Variants in CACNA1H observed in about 807,000 individuals in gnomAD.
The protein encoded by CACNA1H is calcium voltage-gated channel subunit alpha1 H.
In CACNA1H, 149 loss-of-function variants were observed where a neutral mutation model predicts 192.5. The observed-to-expected ratio is 0.77, with a 90% CI of 0.68 to 0.89. The LOEUF (loss-of-function observed/expected upper bound fraction) is 0.89. Among genes scored for constraint, CACNA1H ranks in the 40% least tolerant of loss-of-function variants. The probability of loss-of-function intolerance (pLI) is 0.00; values close to 1 mark genes in which losing one functional copy is unlikely to be tolerated. For missense variants in CACNA1H, 4,257 were observed against 3,423.5 expected, an observed-to-expected ratio of 1.24 and a Z score of -6.08; for synonymous variants, 2,202 against 1,475.2, an observed-to-expected ratio of 1.49 and a Z score of -11.29.
chr16:1,162,626 C>T (rs908946743), intron 2 of CACNA1H, among the ~76,000 whole-genome samples: 1 of 137,322 alleles, frequency 7.3e-6, no homozygotes, highest in South Asian at 2.5e-4. Context: ...CCAGCTCCTG[C>T]GGACACCTGG....
chr16:1,209,786 A>G (rs1402744430), intron 17 of CACNA1H, among the ~76,000 whole-genome samples: 1 of 152,144 alleles, frequency 6.6e-6, no homozygotes, highest in East Asian at 1.9e-4. Context: ...ACCCAAGAGC[A>G]CCCGCTCACC....
chr16:1,216,114 A>G (rs1215901618), intron 30 of CACNA1H, among the ~76,000 whole-genome samples: 2 of 151,958 alleles, frequency 1.3e-5, no homozygotes, highest in African/African-American at 4.8e-5. Flanking sequence ...CCGTCCATCC[A>G]CCAGCCCAGC....
At chr16:1,218,144 C>A in intron 32 of CACNA1H, 66 bp from the exon 33 acceptor site, 1 of 1,531,866 alleles carries the variant, frequency 6.5e-7, no homozygotes. Context: ...GGGAAGGGGA[C>A]GGCACTGCCA....
At chr16:1,184,493 C>A (rs967688683) in intron 2 of CACNA1H, among the ~76,000 whole-genome samples, 87 of 152,364 alleles carry the variant, frequency 5.7e-4, no homozygotes, top group African/African-American at 2.0e-3. Flanking sequence ...TGCTCGTTTC[C>A]CGGCCCTCAC....
At chr16:1,210,342 C>CCCCCCAGA in intron 18 of CACNA1H, 28 bp from the exon 19 acceptor site, 1 of 999,084 alleles carries the variant, frequency 1.0e-6, no homozygotes, top group Non-Finnish European at 1.5e-6. Flanking sequence ...CGCCCCGCCC[C>CCCCCCAGA]ACCTCTCACC....
chr16:1,197,816 T>C (rs1183753495), intron 5 of CACNA1H, among the ~76,000 whole-genome samples: 1 of 152,160 alleles, frequency 6.6e-6, no homozygotes, highest in East Asian at 1.9e-4. Context: ...CCTGCTGCCT[T>C]AGCCTGGCCC....
intron 11 of CACNA1H, among the ~76,000 whole-genome samples, chr16:1,205,852 C>T (rs935454890): frequency 6.6e-6 from 1 of 152,192 alleles, no homozygotes. Flanking sequence ...GCTTCCCTGC[C>T]CTGGCCAGAG....
At chr16:1,179,790 A>T (rs1432067407) in intron 2 of CACNA1H, among the ~76,000 whole-genome samples, 1 of 117,724 alleles carries the variant, frequency 8.5e-6, no homozygotes, top group Non-Finnish European at 1.6e-5. Context: ...GTTGGAGTGC[A>T]GTGGCGTGAT....
intron 33 of CACNA1H, 149 bp from the exon 34 acceptor site, chr16:1,218,821 C>A: frequency 1.0e-6 from 1 of 977,222 alleles, no homozygotes; most frequent in Non-Finnish European, 1.4e-6. Flanking sequence ...ATTGAGGAGG[C>A]TGGGTGTGGG....
Position 1,198,784 on chromosome 16 carries a change from C to T in CACNA1H, c.803+10C>T. On this transcript the variant is annotated intron_variant, in intron 6 of 34. Transcript: ENST00000348261. Reference sequence around the variant, plus strand: ...ACAGTGCCTTTGTCAGGTGCCCAGGCCCCACCCCCGTGAGGCCCCTGCCCA... The same window carrying T: ...ACAGTGCCTTTGTCAGGTGCCCAGGTCCCACCCCCGTGAGGCCCCTGCCCA... 1 of 1,605,448 alleles carries T rather than the reference C, an allele frequency of 6.2e-7. No homozygotes were observed. The highest frequency in any genetic ancestry group is 1.1e-5 in the South Asian group (1 of 90,796).
intron 2 of CACNA1H, among the ~76,000 whole-genome samples, chr16:1,161,616 C>G (rs554686878): frequency 6.6e-6 from 1 of 152,356 alleles, no homozygotes; most frequent in South Asian, 2.1e-4. Flanking sequence ...ACGTGGGCCT[C>G]AGTTTCCCTG....
In CACNA1H at chr16:1,209,332, G is replaced by C. The variant is rs1567535193; in HGVS notation, c.3664G>C (p.Val1222Leu). 6.3e-7 allele frequency: 1 copy of C among 1,598,032 alleles called. No individual in the cohort carries two copies. Among genetic ancestry groups the C allele is most frequent in the Non-Finnish European group, 8.5e-7 (1 of 1,179,416 alleles). ...GTGCCGCGATCGCGACGGGCAGGTG[G>C]TGGCCCTGCCCAGCGACTTCTTCCT... is the stretch of plus-strand genomic sequence containing the variant. ...TKCRDRDGQVVALPSDFFLRI... is the reference protein window; with the variant it reads ...TKCRDRDGQVLALPSDFFLRI... Residue 1222 changes from valine (V) to leucine (L), a missense_variant, in exon 17 of 35, where the codon GTG (valine) becomes CTG (leucine). Transcript: ENST00000348261.
intron 2 of CACNA1H, among the ~76,000 whole-genome samples, chr16:1,162,537 T>G (rs1476111574): frequency 2.0e-5 from 3 of 151,656 alleles, no homozygotes; most frequent in African/African-American, 7.3e-5. Flanking sequence ...GTGAAGTGGG[T>G]CATTCGGAGC....
At chr16:1,155,709 A>G (rs1962267048) in intron 2 of CACNA1H, among the ~76,000 whole-genome samples, 1 of 151,642 alleles carries the variant, frequency 6.6e-6, no homozygotes, top group African/African-American at 2.4e-5. Flanking sequence ...CTCGGCTGAG[A>G]GAGTTTTGGA....
chr16:1,162,523 A>T (rs11859240), intron 2 of CACNA1H, among the ~76,000 whole-genome samples: 19,850 of 152,058 alleles, frequency 0.13, 3,138 homozygotes, highest in African/African-American at 0.38. Context: ...GAGGACGCTT[A>T]GCCGTGAAGT....
intron 2 of CACNA1H, among the ~76,000 whole-genome samples, chr16:1,155,630 C>G (rs772261003): frequency 3.9e-5 from 6 of 152,004 alleles, no homozygotes; most frequent in African/African-American, 7.2e-5. Context: ...AGCCCCGGGC[C>G]TGGCTGCCCC....
In CACNA1H at chr16:1,204,249, G is replaced by A. The variant is rs746275171; in HGVS notation, c.2242G>A (p.Ala748Thr). 8.1e-6 allele frequency: 13 copies of A among 1,610,216 alleles called. No homozygotes were observed. The highest frequency in any genetic ancestry group is 1.3e-5 in the African/African-American group (1 of 74,888). The change falls in exon 10 of 35, where the codon GCG becomes ACG. Residue 748 changes from alanine to threonine, a missense_variant. Ala to Thr is a moderately conservative substitution (Grantham distance 58). Coordinates refer to ENST00000348261, the MANE Select transcript of CACNA1H (RefSeq NM_021098.3). ...DRWDPTRPPR[A>T]TDTPGPGPGS... ...CTGGGACCCCACGCGACCACCCCGT[G>A]CGACGGACACACCAGGCCCAGGCCC...
At chr16:1,190,858 C>T (rs546705360) in intron 2 of CACNA1H, among the ~76,000 whole-genome samples, 2 of 151,518 alleles carry the variant, frequency 1.3e-5, no homozygotes, top group East Asian at 3.9e-4. Context: ...TGTGTGGCCT[C>T]AGGCACACTC....
chr16:1,186,384 G>A (rs927074840), intron 2 of CACNA1H, among the ~76,000 whole-genome samples: 3 of 152,056 alleles, frequency 2.0e-5, no homozygotes, highest in African/African-American at 4.8e-5. Flanking sequence ...TGGACGTTTC[G>A]CTTTCGTAAT....
Sources: allele counts gnomAD v4.1 joint callset (sites outside exome capture counted in the v4.1 genomes callset), GRCh38; gene constraint gnomAD v4.1.1; transcripts MANE v1.5; gene names NCBI Gene and HGNC (gene_info 2026-07-23, HGNC 2026-07-21).